DIP2C: variants seen among roughly 807,000 people sequenced by gnomAD.
DIP2C encodes the protein DIP2 acetate--CoA ligase C (putative), also known as disco-interacting protein 2 homolog C.
DIP2C carries 33 observed loss-of-function variants against 192.4 expected under a neutral mutation model. The ratio of observed to expected loss-of-function variants is 0.17; its 90% CI spans 0.13 to 0.23. The LOEUF is 0.23. DIP2C is among the 10% of genes least tolerant of loss of function. The pLI is 1.00. For missense variants in DIP2C, 1,537 were observed against 2,110.1 expected (o/e 0.73, Z 5.32); for synonymous variants, 979 against 864.1 (o/e 1.13, Z -2.33).
chr10:598,084 C>T (rs1246666867), intron 1 of DIP2C, among the ~76,000 whole-genome samples: 1 of 152,236 alleles, frequency 6.6e-6, no homozygotes, highest in Non-Finnish European at 1.5e-5. Context: ...CACAAGTCTG[C>T]AGGACACGCG....
Position 366,488 on chromosome 10 carries a change from A to C in DIP2C, c.2132-77T>G, listed in dbSNP as rs1241267863. Reference sequence around the variant, plus strand: ...AATAAAGGAAACAGGGAAGACGCGAATATGAACGACACCAGTGAACAGGAA... The same window carrying C: ...AATAAAGGAAACAGGGAAGACGCGACTATGAACGACACCAGTGAACAGGAA... On this transcript the variant is annotated intron_variant, in intron 18 of 36. Transcript: ENST00000280886. 1.9e-6 allele frequency: 3 copies of C among 1,593,554 alleles called. No individual in the cohort carries two copies. The African/African-American group carries it at 4.0e-5, about 21-fold the overall frequency.
intron 1 of DIP2C, among the ~76,000 whole-genome samples, chr10:635,878 A>G (rs1029271553): frequency 3.9e-5 from 6 of 152,106 alleles, no homozygotes; most frequent in African/African-American, 1.2e-4. Flanking sequence ...TCCAGCCCAG[A>G]GGCTCAACGG....
At position 603,248 on chromosome 10, in the gene DIP2C, G is replaced by A. The variant is rs187350752; in HGVS notation, c.85+86246C>T. 1.2e-4 allele frequency among the ~76,000 whole-genome samples: 16 copies of A among 138,822 alleles called. No homozygotes were observed. In the East Asian group the frequency reaches 1.5e-3, roughly 13 times the overall value. 91.1% of individuals were successfully genotyped at this position (138,822 alleles called of 152,430 possible). ...AGGGGGGCGGGGGTTGCAGTGAGCC[G>A]AGGCTGCGCCACTGTACTCCAATCT... On this transcript the variant is annotated intron_variant, in intron 1 of 36. Transcript: ENST00000280886.
intron 1 of DIP2C, among the ~76,000 whole-genome samples, chr10:541,153 C>A (rs1208178727): frequency 6.6e-6 from 1 of 151,936 alleles, no homozygotes; most frequent in Non-Finnish European, 1.5e-5. Context: ...TGGGAGGCAC[C>A]TGGGCAGGAG....
chr10:474,432 C>T (rs1282267068), intron 2 of DIP2C, among the ~76,000 whole-genome samples: 4 of 152,184 alleles, frequency 2.6e-5, no homozygotes, highest in Admixed American at 6.5e-5. Flanking sequence ...TTTCCCATAC[C>T]TTCCTGCCCA....
intron 18 of DIP2C, among the ~76,000 whole-genome samples, chr10:368,374 A>T (rs1258891919): frequency 1.3e-5 from 2 of 152,234 alleles, no homozygotes; most frequent in East Asian, 3.8e-4. Context: ...TTTGAAAATT[A>T]AATATTAAAG....
chr10:501,476 TATA>T (rs372498743), intron 1 of DIP2C, among the ~76,000 whole-genome samples: 346 of 152,294 alleles, frequency 2.3e-3, no homozygotes, highest in African/African-American at 7.9e-3. Context: ...CAAGGATTTT[TATA>T]ATAATATGTT....
chr10:685,232 A>T (rs1229761159), intron 1 of DIP2C, among the ~76,000 whole-genome samples: 8 of 146,698 alleles, frequency 5.5e-5, no homozygotes, highest in South Asian at 2.2e-4. Flanking sequence ...AGGTCCCTCA[A>T]CCAACACAGG....
chr10:631,461 A>T (rs969396909), intron 1 of DIP2C, among the ~76,000 whole-genome samples: 17 of 152,226 alleles, frequency 1.1e-4, no homozygotes, highest in African/African-American at 3.9e-4. Flanking sequence ...CCCTGTGGCC[A>T]CGTCTGACAT....
chr10:618,385 C>T (rs991683470), intron 1 of DIP2C, among the ~76,000 whole-genome samples: 1 of 152,222 alleles, frequency 6.6e-6, no homozygotes, highest in African/African-American at 2.4e-5. Context: ...GACATGGCCT[C>T]GTCCCAGGCC....
At chr10:396,663 T>A (rs553699708) in intron 10 of DIP2C, among the ~76,000 whole-genome samples, 2 of 151,546 alleles carry the variant, frequency 1.3e-5, no homozygotes, top group East Asian at 3.9e-4. Flanking sequence ...AGGACTGGGG[T>A]TAACTATAGT....
At chr10:593,499 ACCCT>A (rs1401952915) in intron 1 of DIP2C, among the ~76,000 whole-genome samples, 2 of 28,068 alleles carry the variant, frequency 7.1e-5, no homozygotes, top group Non-Finnish European at 1.3e-4. Context: ...CCCCCCCCCC[ACCCT>A]TTCTGGAGAA....
intron 26 of DIP2C, 138 bp from the exon 27 acceptor site, chr10:345,248 G>T: frequency 2.3e-6 from 2 of 862,420 alleles, no homozygotes; most frequent in Non-Finnish European, 3.8e-6. Flanking sequence ...GAGCCCTCCT[G>T]CTGGCTAAGG....
intron 1 of DIP2C, among the ~76,000 whole-genome samples, chr10:557,240 C>A (rs1305572338): frequency 1.3e-5 from 2 of 152,226 alleles, no homozygotes; most frequent in African/African-American, 4.8e-5. Flanking sequence ...CACGTCAGCA[C>A]AGCATCCTGG....
At chr10:364,256 A>C in intron 20 of DIP2C, 118 bp downstream of exon 20, 1 of 1,214,914 alleles carries the variant, frequency 8.2e-7, no homozygotes, top group East Asian at 2.4e-5. Flanking sequence ...AATAACATGG[A>C]AGAGGAAACG....
chr10:345,029 C>T lies in DIP2C; in HGVS notation c.3313G>A (p.Val1105Ile), dbSNP rs200340134. The T allele has an allele frequency of 9.3e-6, 15 of 1,613,408 alleles. No homozygotes were observed. Among genetic ancestry groups the T allele is most frequent in the South Asian group, 4.4e-5 (4 of 90,876 alleles). The change falls in exon 27 of 37, where the codon GTC (valine) becomes ATC (isoleucine). Residue 1105 changes from valine (V) to isoleucine (I), a missense_variant. Val to Ile is a conservative substitution (Grantham distance 29, BLOSUM62 3). Coordinates refer to ENST00000280886, the MANE Select transcript of DIP2C (RefSeq NM_014974.3). ...RSREAAAAVD[V>I]RTWPLILDTD... ...TCCAGGATGAGGGGCCACGTCCTGA[C>T]GTCCACAGCCGCCGCCGCCTCCCTG... is the stretch of plus-strand genomic sequence containing the variant.
chr10:540,775 T>C (rs2130899494), intron 1 of DIP2C, among the ~76,000 whole-genome samples: 1 of 152,378 alleles, frequency 6.6e-6, no homozygotes, highest in East Asian at 1.9e-4. Flanking sequence ...TTGCATCCTG[T>C]AAGGTGCATT....
At chr10:353,493 ACT>A (rs1340449663) in intron 24 of DIP2C, among the ~76,000 whole-genome samples, 1 of 151,054 alleles carries the variant, frequency 6.6e-6, no homozygotes, top group African/African-American at 2.5e-5. Context: ...GGTTCAAGCG[ACT>A]CTCGTGCTTC....
At chr10:542,430 A>G (rs1379971599) in intron 1 of DIP2C, among the ~76,000 whole-genome samples, 1 of 152,220 alleles carries the variant, frequency 6.6e-6, no homozygotes, top group Non-Finnish European at 1.5e-5. Context: ...AGCTTCAGAA[A>G]GGAACGGTGT....
Sources: allele counts gnomAD v4.1 joint callset (sites outside exome capture counted in the v4.1 genomes callset), GRCh38; gene constraint gnomAD v4.1.1; transcripts MANE v1.5; gene names NCBI Gene and HGNC (gene_info 2026-07-23, HGNC 2026-07-21).